The following SYNC variants were observed in gnomAD, a reference collection of about 807,000 sequenced individuals.
The protein encoded by SYNC is syncoilin, intermediate filament protein, also known as syncoilin.
In SYNC, 38 loss-of-function variants were observed where a neutral mutation model predicts 49.5. The observed-to-expected ratio is 0.77, with a 90% confidence interval of 0.59 to 1.01. SYNC has a LOEUF of 1.01. Among genes scored for constraint, SYNC ranks in the 50% least tolerant of loss-of-function variants. The pLI is 0.00. For synonymous variants in SYNC, 201 were observed against 230.8 expected (o/e 0.87, Z 1.17); for missense variants, 579 against 580.6 (o/e 1.00, Z 0.03).
intron 2 of SYNC, chr1:32,686,155 A>G (rs1269965973): frequency 6.6e-6 from 1 of 152,250 alleles, no homozygotes; most frequent in Non-Finnish European, 1.5e-5. Flanking sequence ...AAAATATTTG[A>G]TACTGATTAC....
intron 2 of SYNC, chr1:32,684,996 C>T (rs634787): frequency 0.97 from 148,115 of 152,206 alleles, 72,197 homozygotes; most frequent in East Asian, 1. Flanking sequence ...TATCCTATTG[C>T]TAATTTCCTG....
chr1:32,702,719 G>C lies in SYNC; in HGVS notation c.-59C>G, dbSNP rs1052910508. The stretch of plus-strand genomic sequence containing the variant: ...TAATAGCCGGGCCCGCGGGCCCCTC[G>C]CTCCGGCGCCCGCGCCCGCCGCACT... On this transcript the variant is annotated 5_prime_UTR_variant, in exon 1 of 5. Transcript: ENST00000409190. The surrounding 1 kb of genome is among the most constrained non-coding windows in gnomAD (Gnocchi z 6.2). The C allele has an allele frequency of 1.1e-5, 12 of 1,107,608 alleles. No individual in the cohort carries two copies. The highest frequency in any genetic ancestry group is 1.3e-5 in the Non-Finnish European group (12 of 907,910). 68.6% of individuals were successfully genotyped at this position (1,107,608 alleles called of 1,614,324 possible).
chr1:32,698,974 C>G (rs1287767287), intron 1 of SYNC, among the ~76,000 whole-genome samples: 2 of 151,322 alleles, frequency 1.3e-5, no homozygotes, highest in African/African-American at 4.9e-5. Context: ...GAGATGAAGT[C>G]TCACTATGTT....
intron 2 of SYNC, among the ~76,000 whole-genome samples, chr1:32,690,693 G>A (rs1235928532): frequency 1.3e-5 from 2 of 150,640 alleles, no homozygotes; most frequent in African/African-American, 4.9e-5. Flanking sequence ...GCTCAAGCCT[G>A]TAATCCCAGC....
At chr1:32,688,721 T>C (rs1321823030) in intron 2 of SYNC, among the ~76,000 whole-genome samples, 1 of 151,448 alleles carries the variant, frequency 6.6e-6, no homozygotes, top group Non-Finnish European at 1.5e-5. Flanking sequence ...TAGCTGGGAT[T>C]ACAGGCATGC....
chr1:32,681,102 A>G lies in SYNC; in HGVS notation c.*748T>C, dbSNP rs1184378213. On this transcript the variant is annotated 3_prime_UTR_variant, in exon 5 of 5. Coordinates refer to ENST00000409190, the MANE Select transcript of SYNC (RefSeq NM_030786.3). Reference sequence around the variant, plus strand: ...CTATCACCAGATGCAATAACCAGATAAAATTCCTGTTTTTTCCCAATCGCT... The same window carrying G: ...CTATCACCAGATGCAATAACCAGATGAAATTCCTGTTTTTTCCCAATCGCT... 1 of 152,772 alleles carries G rather than the reference A, an allele frequency of 6.5e-6. No homozygotes were observed. The highest frequency in any genetic ancestry group is 2.4e-5 in the African/African-American group (1 of 41,474). 9.5% of individuals were successfully genotyped at this position (152,772 alleles called of 1,614,324 possible).
chr1:32,695,321 C>T lies in SYNC; in HGVS notation c.777G>A (p.Gln259=), dbSNP rs1450551069. The T allele has an allele frequency of 2.6e-6, 4 of 1,551,630 alleles. No individual in the cohort carries two copies. The highest frequency in any genetic ancestry group is 3.5e-6 in the Non-Finnish European group (4 of 1,147,082). The change falls in exon 2 of 5, where the codon CAG becomes CAA. Residue 259 remains glutamine (Q), a synonymous_variant. Coordinates refer to ENST00000409190, the MANE Select transcript of SYNC (RefSeq NM_030786.3). ...VTKECVAYQY[Q]LECRQQDVAQ... ...CCACGTCCTGCTGGCGGCACTCCAG[C>T]TGGTATTGGTAGGCCACACATTCCT...
At position 32,681,634 on chromosome 1, in the gene SYNC, A is replaced by T; in HGVS notation, c.*216T>A. The T allele has an allele frequency of 4.6e-6, 3 of 659,028 alleles. No homozygotes were observed. Among genetic ancestry groups the T allele is most frequent in the Non-Finnish European group, 7.9e-6 (3 of 379,246 alleles). The allele number at this position is 659,028 out of a possible 1,614,324, so 40.8% of individuals were successfully genotyped here. A position where few individuals can be genotyped will look rare whatever the true frequency, so the allele number is the denominator to read the frequency against. The stretch of plus-strand genomic sequence containing the variant: ...TGAGATCAGTATCAACAGCAGATGA[A>T]ATAGAATCCAGCAAAGAGTTGACAT... On this transcript the variant is annotated 3_prime_UTR_variant, in exon 5 of 5. Transcript: ENST00000409190.
Position 32,680,081 on chromosome 1 carries a change from A to G in SYNC, c.*1769T>C. 2 of 1,068,838 alleles carry G rather than the reference A, an allele frequency of 1.9e-6. No individual in the cohort carries two copies. Among genetic ancestry groups the G allele is most frequent in the South Asian group, 3.5e-5 (1 of 28,208 alleles). 66.2% of individuals were successfully genotyped at this position (1,068,838 alleles called of 1,614,324 possible). A position where few individuals can be genotyped will look rare whatever the true frequency, so the allele number is the denominator to read the frequency against. ...GCCAAATGAGGTAGGTGTCTGAGCC[A>G]TGAAGTATAAATACTGAAAGATGTC... is the stretch of plus-strand genomic sequence containing the variant. On this transcript the variant is annotated 3_prime_UTR_variant, in exon 5 of 5. Transcript: ENST00000409190.
intron 1 of SYNC, among the ~76,000 whole-genome samples, chr1:32,701,207 G>C (rs750083159): frequency 6.6e-6 from 1 of 152,080 alleles, no homozygotes; most frequent in Non-Finnish European, 1.5e-5. Flanking sequence ...GAGCCACCGC[G>C]CCGGGCCCAC....
chr1:32,682,171 G>A (rs776217309), intron 4 of SYNC: 4 of 310,358 alleles, frequency 1.3e-5, no homozygotes, highest in Non-Finnish European at 2.4e-5. Context: ...CAACACAAAG[G>A]TAGTTAGTAG....
chr1:32,697,718 AAC>A (rs1650495115), intron 1 of SYNC, among the ~76,000 whole-genome samples: 1 of 151,774 alleles, frequency 6.6e-6, no homozygotes. Flanking sequence ...CAGCCTGGGC[AAC>A]AGAGACCCTG....
At chr1:32,690,522 G>A (rs573038572) in intron 2 of SYNC, among the ~76,000 whole-genome samples, 3 of 151,930 alleles carry the variant, frequency 2.0e-5, no homozygotes, top group Non-Finnish European at 4.4e-5. Context: ...GCGGGCACCT[G>A]TAATCCCAGC....
chr1:32,693,932 T>G (rs1003563233), intron 2 of SYNC, among the ~76,000 whole-genome samples: 2 of 152,178 alleles, frequency 1.3e-5, no homozygotes, highest in African/African-American at 4.8e-5. Flanking sequence ...GGCAAAACCC[T>G]GTCTACAAAA....
At chr1:32,699,156 T>TTTC (rs1553201526) in intron 1 of SYNC, among the ~76,000 whole-genome samples, 4 of 138,330 alleles carry the variant, frequency 2.9e-5, no homozygotes, top group African/African-American at 7.9e-5. Context: ...TTCTTTTCTT[T>TTTC]TTTTTTTTTT....
intron 1 of SYNC, among the ~76,000 whole-genome samples, chr1:32,697,837 G>A (rs1401478331): frequency 1.3e-5 from 2 of 151,988 alleles, no homozygotes; most frequent in Non-Finnish European, 2.9e-5. Flanking sequence ...ACAAATGACA[G>A]CTTTCAGACT....
At chr1:32,699,881 C>T (rs1650600159) in intron 1 of SYNC, among the ~76,000 whole-genome samples, 1 of 151,822 alleles carries the variant, frequency 6.6e-6, no homozygotes, top group East Asian at 1.9e-4. Context: ...TACAGGCGCC[C>T]ACCACCATGC....
Position 32,694,849 on chromosome 1 carries a change from T to G in SYNC, c.1233+16A>C. 6.5e-7 allele frequency: 1 copy of G among 1,546,712 alleles called. No individual in the cohort carries two copies. The highest frequency in any genetic ancestry group is 8.7e-7 in the Non-Finnish European group (1 of 1,149,648). On this transcript the variant is annotated intron_variant, in intron 2 of 4. Coordinates refer to ENST00000409190, the MANE Select transcript of SYNC (RefSeq NM_030786.3). ...GGTTAAAAGACCTCAGTTCTTTTCA[T>G]GCCCAATGGGCCTACCCTGTACTGC... is the stretch of plus-strand genomic sequence containing the variant.
chr1:32,695,889 G>T lies in SYNC; in HGVS notation c.209C>A (p.Thr70Lys). 1.3e-6 allele frequency: 2 copies of T among 1,552,100 alleles called. No individual in the cohort carries two copies. Among genetic ancestry groups the T allele is most frequent in the South Asian group, 2.4e-5 (2 of 84,052 alleles). ...CTTCTCAGTCTCTTGCACATAGAGT[G>T]TCTCATCAAGGTCACCTGTGTCCTC... ...YLEDTGDLDETLYVQETEKAE... is the reference protein window; with the variant it reads ...YLEDTGDLDEKLYVQETEKAE... The change falls in exon 2 of 5, where the codon ACA becomes AAA. Residue 70 changes from threonine (T) to lysine (K), a missense_variant. Thr to Lys is a moderately conservative substitution (Grantham distance 78, BLOSUM62 -1). Transcript: ENST00000409190.
Sources: allele counts gnomAD v4.1 joint callset (sites outside exome capture counted in the v4.1 genomes callset), GRCh38; gene constraint gnomAD v4.1.1; non-coding constraint Gnocchi (gnomAD v3.1); transcripts MANE v1.5; gene names NCBI Gene and HGNC (gene_info 2026-07-23, HGNC 2026-07-21).